TBC1D23: variants seen among roughly 807,000 people sequenced by gnomAD.
The protein encoded by TBC1D23 is TBC1 domain family member 23, also known as HCV non-structural protein 4A-transactivated protein 1.
In TBC1D23, 55 loss-of-function variants were observed where a neutral mutation model predicts 91.4. That is an observed-to-expected ratio of 0.60 (90% CI 0.48 to 0.75). TBC1D23 has a LOEUF of 0.75. Among genes scored for constraint, TBC1D23 ranks in the 30% least tolerant of loss-of-function variants. The pLI, the probability that TBC1D23 is intolerant of heterozygous loss-of-function variation, is 0.00. For synonymous variants in TBC1D23, 289 were observed against 281.0 expected (o/e 1.03, Z -0.28); for missense variants, 725 against 836.1 (o/e 0.87, Z 1.64).
intron 4 of TBC1D23, among the ~76,000 whole-genome samples, chr3:100,286,915 A>G (rs1011409202): frequency 1.3e-5 from 2 of 151,962 alleles, no homozygotes; most frequent in Non-Finnish European, 2.9e-5. Context: ...TCCCAGATTC[A>G]AGCGATTCTC....
intron 1 of TBC1D23, chr3:100,261,616 C>G (rs906705417): frequency 3.3e-5 from 5 of 152,678 alleles, no homozygotes; most frequent in African/African-American, 1.2e-4. Context: ...GTCTCCTTCA[C>G]GCAAGTCATC....
chr3:100,303,102 A>T (rs1216290217), intron 11 of TBC1D23, among the ~76,000 whole-genome samples: 1 of 152,206 alleles, frequency 6.6e-6, no homozygotes, highest in Non-Finnish European at 1.5e-5. Flanking sequence ...CTGCTTTTTT[A>T]AAAATGTCAC....
At position 100,298,189 on chromosome 3, in the gene TBC1D23, T is replaced by C. The variant is rs1705342746; in HGVS notation, c.999+144T>C. ...GCTTTTTGAATGATTGTGTTAAATG[T>C]TATGTTCAGAGGGTCATTTTAAAAC... On this transcript the variant is annotated intron_variant, in intron 9 of 18. Transcript: ENST00000394144. The C allele has an allele frequency of 6.3e-6, 4 of 636,342 alleles. No homozygotes were observed. The South Asian group carries it at 9.8e-5, about 16-fold the overall frequency. The allele number at this position is 636,342 out of a possible 1,614,324, so 39.4% of individuals were successfully genotyped here.
Position 100,323,985 on chromosome 3 carries a change from G to T in TBC1D23, c.*317G>T. On this transcript the variant is annotated 3_prime_UTR_variant, in exon 19 of 19. Coordinates refer to ENST00000394144, the MANE Select transcript of TBC1D23 (RefSeq NM_001199198.3). ...TCTGTTTTGAAGAGCTGTTTTAAGG[G>T]AACATGCATCACTTTCGGGATCAAA... is the stretch of plus-strand genomic sequence containing the variant. 1 of 155,192 alleles carries T rather than the reference G, an allele frequency of 6.4e-6. No individual in the cohort carries two copies. The highest frequency in any genetic ancestry group is 1.4e-5 in the Non-Finnish European group (1 of 70,078). The allele number at this position is 155,192 out of a possible 1,614,324, so 9.6% of individuals were successfully genotyped here. A position where few individuals can be genotyped will look rare whatever the true frequency, so the allele number is the denominator to read the frequency against.
chr3:100,323,607 G>T lies in TBC1D23; in HGVS notation c.2039G>T (p.Gly680Val). ...CTTAGGTATTTGATTCCAAATGCAG[G>T]GGATGCAACTAAAGCCATAAAACAG... ...AIERYLIPNA[G>V]DATKAIKQQI... Residue 680 changes from glycine (G) to valine (V), a missense_variant, in exon 19 of 19, where the codon GGG becomes GTG. Gly to Val is a moderately radical substitution (Grantham distance 109). Transcript: ENST00000394144. The T allele has an allele frequency of 6.6e-7, 1 of 1,518,392 alleles. No individual in the cohort carries two copies. The highest frequency in any genetic ancestry group is 8.8e-7 in the Non-Finnish European group (1 of 1,132,798). 94.1% of individuals were successfully genotyped at this position (1,518,392 alleles called of 1,614,324 possible). A position where few individuals can be genotyped will look rare whatever the true frequency, so the allele number is the denominator to read the frequency against.
At chr3:100,283,545 T>C in intron 3 of TBC1D23, 62 bp from the exon 4 acceptor site, 1 of 1,052,256 alleles carries the variant, frequency 9.5e-7, no homozygotes, top group South Asian at 1.4e-5. Context: ...AAACAAGTGT[T>C]ATGTCCAATA....
chr3:100,279,687 G>C lies in TBC1D23; in HGVS notation c.92G>C (p.Cys31Ser), dbSNP rs62636640. 9,206 of 1,608,862 alleles carry C rather than the reference G, an allele frequency of 5.7e-3. 36 individuals carry two copies. The highest frequency in any genetic ancestry group is 6.5e-3 in the South Asian group (583 of 90,376). The part of the protein sequence containing the change: ...DLEEALEAGG[C>S]DLETLRNIIQ... Reference sequence around the variant, plus strand: ...GAAGAAGCTCTGGAAGCAGGAGGTTGTGATCTTGAAACGTTGAGAAATATA... The same window carrying C: ...GAAGAAGCTCTGGAAGCAGGAGGTTCTGATCTTGAAACGTTGAGAAATATA... Residue 31 changes from cysteine (C) to serine (S), a missense_variant, in exon 2 of 19, where the codon TGT becomes TCT. Coordinates refer to ENST00000394144, the MANE Select transcript of TBC1D23 (RefSeq NM_001199198.3).
intron 4 of TBC1D23, among the ~76,000 whole-genome samples, chr3:100,290,304 C>T (rs1195898636): frequency 1.3e-5 from 2 of 152,136 alleles, no homozygotes; most frequent in Non-Finnish European, 2.9e-5. Context: ...TCAAAATAAC[C>T]TAAATTTGTT....
In TBC1D23 at chr3:100,296,108, C is replaced by T. The variant is rs1390358666; in HGVS notation, c.773-64C>T. 3 of 887,438 alleles carry T rather than the reference C, an allele frequency of 3.4e-6. No individual in the cohort carries two copies. In the African/African-American group the frequency reaches 5.1e-5, roughly 15 times the overall value. 55.0% of individuals were successfully genotyped at this position (887,438 alleles called of 1,614,324 possible). A position where few individuals can be genotyped will look rare whatever the true frequency, so the allele number is the denominator to read the frequency against. ...TATTTATGATGAAGATATTTCGGCT[C>T]TGATACATAAACAATATTTGCATTT... On this transcript the variant is annotated intron_variant, in intron 7 of 18. Coordinates refer to ENST00000394144, the MANE Select transcript of TBC1D23 (RefSeq NM_001199198.3).
chr3:100,275,158 G>A (rs1049919497), intron 1 of TBC1D23, among the ~76,000 whole-genome samples: 9 of 152,018 alleles, frequency 5.9e-5, no homozygotes, highest in African/African-American at 2.2e-4. Flanking sequence ...GTACACAAGG[G>A]TTCACATCTT....
chr3:100,282,666 T>C (rs961783231), intron 3 of TBC1D23, among the ~76,000 whole-genome samples: 2 of 152,248 alleles, frequency 1.3e-5, no homozygotes, highest in Non-Finnish European at 2.9e-5. Flanking sequence ...AGTTAAATTA[T>C]TAGCTTGATA....
In TBC1D23 at chr3:100,261,087, G is replaced by T. The variant is rs1254931398; in HGVS notation, c.53+16G>T. On this transcript the variant is annotated intron_variant, in intron 1 of 18. Coordinates refer to ENST00000394144, the MANE Select transcript of TBC1D23 (RefSeq NM_001199198.3). ...GCGACGGCTGGTGAGTGAAAGCCGG[G>T]GCTAATTTCCAATGCCCCTTTATTC... is the stretch of plus-strand genomic sequence containing the variant. 6.2e-7 allele frequency: 1 copy of T among 1,611,498 alleles called. No homozygotes were observed. Among genetic ancestry groups the T allele is most frequent in the Non-Finnish European group, 8.5e-7 (1 of 1,177,842 alleles).
rs538988822 is a variant in TBC1D23, at chr3:100,291,243, A to G, written c.600+542A>G. ...AAACCTTTTGGTGTCAGGACCCTTT[A>G]CACTCTTAAAATTTGTTGATGATCC... On this transcript the variant is annotated intron_variant, in intron 5 of 18. Coordinates refer to ENST00000394144, the MANE Select transcript of TBC1D23 (RefSeq NM_001199198.3). Among the ~76,000 whole-genome samples, 23 of 152,302 alleles carry G rather than the reference A, an allele frequency of 1.5e-4. No homozygotes were observed. In the East Asian group the frequency reaches 3.5e-3, roughly 23 times the overall value.
chr3:100,302,324 T>C (rs1705448023), intron 11 of TBC1D23, 87 bp downstream of exon 11: 3 of 1,127,666 alleles, frequency 2.7e-6, no homozygotes, highest in Middle Eastern at 2.7e-4. Flanking sequence ...GCTTGTCAGA[T>C]TTATCTGTAC....
rs1350343167 is a variant in TBC1D23, at chr3:100,304,866, T to C, written c.1284T>C (p.Ser428=). Residue 428 remains serine, a synonymous_variant, in exon 12 of 19, where the codon AGT becomes AGC. Coordinates refer to ENST00000394144, the MANE Select transcript of TBC1D23 (RefSeq NM_001199198.3). ...TACAGAAAAACAAAGAATATGTGAG[T>C]ATTGCCAGTGGAGGATTTATGGGTA... ...HFLQKNKEYV[S]IASGGFMALQ... is the part of the protein sequence containing the mutation. The C allele has an allele frequency of 6.6e-7, 1 of 1,504,954 alleles. No homozygotes were observed. The allele number at this position is 1,504,954 out of a possible 1,614,324, so 93.2% of individuals were successfully genotyped here.
chr3:100,264,262 C>G (rs1283725117), intron 1 of TBC1D23, among the ~76,000 whole-genome samples: 4 of 152,252 alleles, frequency 2.6e-5, no homozygotes, highest in Middle Eastern at 3.4e-3. Context: ...TGTGCCCCAT[C>G]CATCCGGGTG....
Position 100,298,118 on chromosome 3 carries a change from A to G in TBC1D23, c.999+73A>G, listed in dbSNP as rs544377509. The G allele has an allele frequency of 1.7e-5, 23 of 1,326,350 alleles. No homozygotes were observed. The South Asian group carries it at 2.9e-4, about 17-fold the overall frequency. The allele number at this position is 1,326,350 out of a possible 1,614,324, so 82.2% of individuals were successfully genotyped here. A position where few individuals can be genotyped will look rare whatever the true frequency, so the allele number is the denominator to read the frequency against. ...CAAGGAACCAACTTCCTCCCTGTTC[A>G]TTGATTCCCACAAAATCAATTTACT... On this transcript the variant is annotated intron_variant, in intron 9 of 18. Coordinates refer to ENST00000394144, the MANE Select transcript of TBC1D23 (RefSeq NM_001199198.3).
intron 1 of TBC1D23, among the ~76,000 whole-genome samples, chr3:100,272,814 A>G (rs1433672766): frequency 6.6e-6 from 1 of 152,248 alleles, no homozygotes; most frequent in East Asian, 1.9e-4. Flanking sequence ...TTAGATATGC[A>G]TACACATAAA....
chr3:100,314,167 C>T (rs542819170), intron 15 of TBC1D23, among the ~76,000 whole-genome samples: 7 of 135,992 alleles, frequency 5.1e-5, no homozygotes, highest in South Asian at 2.3e-4. Context: ...GGCGCAATCT[C>T]GGCTCACTGC....
Sources: allele counts gnomAD v4.1 joint callset (sites outside exome capture counted in the v4.1 genomes callset), GRCh38; gene constraint gnomAD v4.1.1; transcripts MANE v1.5; gene names NCBI Gene and HGNC (gene_info 2026-07-23, HGNC 2026-07-21).